The following TCF4 variants were observed in gnomAD, a reference collection of about 807,000 sequenced individuals.
The protein encoded by TCF4 is transcription factor 4.
TCF4 carries 3 observed loss-of-function variants against 82.1 expected under a neutral mutation model. The ratio of observed to expected loss-of-function variants is 0.04; its 90% CI spans 0.02 to 0.09. The LOEUF is 0.09. Ranked by LOEUF, TCF4 falls within the 10% of genes least tolerant of loss-of-function variation. The pLI, the probability that TCF4 is intolerant of heterozygous loss-of-function variation, is 1.00. For missense variants in TCF4, 518 were observed against 852.7 expected, an observed-to-expected ratio of 0.61 and a Z score of 4.89; for synonymous variants, 276 against 309.6, an observed-to-expected ratio of 0.89 and a Z score of 1.14.
At chr18:55,276,274 G>A (rs1446771606) in intron 9 of TCF4, among the ~76,000 whole-genome samples, 3 of 151,828 alleles carry the variant, frequency 2.0e-5, no homozygotes, top group Non-Finnish European at 4.4e-5. Context: ...ATTATATTAC[G>A]GCATGCAGAG....
intron 3 of TCF4, among the ~76,000 whole-genome samples, chr18:55,576,075 T>A (rs1288306225): frequency 1.3e-5 from 2 of 152,188 alleles, no homozygotes; most frequent in Non-Finnish European, 2.9e-5. Context: ...TATTCCTTTT[T>A]AAAAAATGTG....
chr18:55,395,438 G>T (rs1188565688), intron 6 of TCF4, among the ~76,000 whole-genome samples: 6 of 152,128 alleles, frequency 3.9e-5, no homozygotes, highest in Admixed American at 2.0e-4. Flanking sequence ...ATTTCAATTT[G>T]GATACTAGGA....
rs574242501 is a variant in TCF4, at chr18:55,631,401, G to A, written c.196-13C>T. 1.1e-4 allele frequency: 165 copies of A among 1,545,740 alleles called. No homozygotes were observed. The South Asian group carries it at 1.8e-3, about 17-fold the overall frequency. On this transcript the variant is annotated splice_polypyrimidine_tract_variant and intron_variant, in intron 1 of 20. Transcript: ENST00000398339. Reference sequence around the variant, plus strand: ...TACAAAACATTTGCTGCAGGGTGGAGAAAAGATGGTGGACATGTTAGAATG... The same window carrying A: ...TACAAAACATTTGCTGCAGGGTGGAAAAAAGATGGTGGACATGTTAGAATG...
chr18:55,576,602 G>A (rs543533960), intron 3 of TCF4, among the ~76,000 whole-genome samples: 1 of 152,078 alleles, frequency 6.6e-6, no homozygotes, highest in East Asian at 1.9e-4. Context: ...TGATATGCAC[G>A]CTCAGTCTCA....
intron 6 of TCF4, among the ~76,000 whole-genome samples, chr18:55,377,704 T>C (rs934366880): frequency 6.6e-6 from 1 of 152,208 alleles, no homozygotes; most frequent in African/African-American, 2.4e-5. Context: ...GCCACATCTA[T>C]CATCCTTTTA....
chr18:55,584,563 C>G (rs186033320), intron 3 of TCF4, among the ~76,000 whole-genome samples: 1 of 152,202 alleles, frequency 6.6e-6, no homozygotes, highest in East Asian at 1.9e-4. Context: ...TCCTTAGATT[C>G]CAGATAATCA....
intron 3 of TCF4, among the ~76,000 whole-genome samples, chr18:55,474,516 T>C (rs781732552): frequency 3.9e-5 from 6 of 152,174 alleles, no homozygotes; most frequent in Non-Finnish European, 2.9e-5. Context: ...TATTTATTGG[T>C]ACCTGACCAA....
At chr18:55,462,403 T>C (rs1177435778) in intron 4 of TCF4, among the ~76,000 whole-genome samples, 1 of 152,128 alleles carries the variant, frequency 6.6e-6, no homozygotes, top group Non-Finnish European at 1.5e-5. Flanking sequence ...AGGTAGACAC[T>C]ATCCCCATGT....
chr18:55,389,821 G>A (rs949067731), intron 6 of TCF4, among the ~76,000 whole-genome samples: 35 of 152,136 alleles, frequency 2.3e-4, no homozygotes, highest in African/African-American at 7.2e-4. Context: ...AGAGCAGCAC[G>A]GGCAGCCACG....
chr18:55,422,457 C>T (rs1006813785), intron 5 of TCF4: 2 of 983,416 alleles, frequency 2.0e-6, no homozygotes, highest in Middle Eastern at 5.2e-4. Flanking sequence ...GCCAGAAATT[C>T]TCATACTTGG....
At chr18:55,405,694 G>A (rs1262889387) in intron 5 of TCF4, among the ~76,000 whole-genome samples, 1 of 152,062 alleles carries the variant, frequency 6.6e-6, no homozygotes, top group Non-Finnish European at 1.5e-5. Context: ...AAAGGAGAGA[G>A]AGAATAAGTA....
intron 8 of TCF4, among the ~76,000 whole-genome samples, chr18:55,286,855 C>T (rs535956927): frequency 6.6e-6 from 1 of 152,240 alleles, no homozygotes; most frequent in African/African-American, 2.4e-5. Context: ...AGGAAATGTG[C>T]TTAGAAATAA....
intron 8 of TCF4, among the ~76,000 whole-genome samples, chr18:55,280,962 C>T (rs1228954564): frequency 1.3e-5 from 2 of 151,760 alleles, no homozygotes; most frequent in Non-Finnish European, 2.9e-5. Flanking sequence ...TACACATGCC[C>T]CAAAGTGCCC....
intron 5 of TCF4, among the ~76,000 whole-genome samples, chr18:55,439,367 A>T (rs1345558576): frequency 6.6e-6 from 1 of 152,230 alleles, no homozygotes; most frequent in Non-Finnish European, 1.5e-5. Context: ...GCCCCTCTCC[A>T]GACCTTTGCC....
chr18:55,563,304 C>T (rs751251438), intron 3 of TCF4, among the ~76,000 whole-genome samples: 1 of 148,194 alleles, frequency 6.7e-6, no homozygotes, highest in Admixed American at 6.7e-5. Flanking sequence ...TATCCATCAA[C>T]AATTTAATAT....
At position 55,243,901 on chromosome 18, in the gene TCF4, GA is replaced by G. The variant is rs553947502; in HGVS notation, c.1351-9219del. ...GTCCTTTTCTGTTCTATTTAATGGA[GA>G]AAGACTTTTTGGTAATTCAGAGTTT... On this transcript the variant is annotated intron_variant, in intron 15 of 19. Coordinates refer to ENST00000354452, the MANE Select transcript of TCF4 (RefSeq NM_001083962.2). 4.4e-3 allele frequency among the ~76,000 whole-genome samples: 669 copies of G among 152,288 alleles called. 2 individuals carry two copies. The highest frequency in any genetic ancestry group is 5.6e-3 in the Non-Finnish European group (384 of 68,032).
At position 55,350,797 on chromosome 18, in the gene TCF4, C is replaced by A. The variant is rs1309582173; in HGVS notation, c.499+77G>T. 3.8e-6 allele frequency: 6 copies of A among 1,583,688 alleles called. No individual in the cohort carries two copies. The African/African-American group carries it at 5.7e-5, about 15-fold the overall frequency. On this transcript the variant is annotated intron_variant, in intron 7 of 19. Transcript: ENST00000354452. ...TGGGGTGGGAGGTAGGATGGGGGGG[C>A]GATATTTTAAAGAAAGAAAGAAAAA...
chr18:55,371,891 T>C (rs1469619493), intron 6 of TCF4, among the ~76,000 whole-genome samples: 2 of 152,200 alleles, frequency 1.3e-5, no homozygotes, highest in African/African-American at 4.8e-5. Flanking sequence ...GGGCTGCTTA[T>C]ACATAGCAGA....
At chr18:55,453,002 T>C (rs1242054616) in intron 5 of TCF4, among the ~76,000 whole-genome samples, 1 of 152,212 alleles carries the variant, frequency 6.6e-6, no homozygotes, top group Admixed American at 6.5e-5. Flanking sequence ...GAAAATTATA[T>C]ATTTTTCTCT....
Sources: allele counts gnomAD v4.1 joint callset (sites outside exome capture counted in the v4.1 genomes callset), GRCh38; gene constraint gnomAD v4.1.1; transcripts MANE v1.5; gene names NCBI Gene and HGNC (gene_info 2026-07-23, HGNC 2026-07-21).